PPP1R12A: variants seen among roughly 807,000 people sequenced by gnomAD.
The protein encoded by PPP1R12A is protein phosphatase 1 regulatory subunit 12A, also known as myosin binding subunit.
In PPP1R12A, 19 loss-of-function variants were observed where a neutral mutation model predicts 139.6. That is an observed-to-expected ratio of 0.14 (90% confidence interval 0.09 to 0.20). The LOEUF is 0.20. Ranked by LOEUF, PPP1R12A falls within the 10% of genes least tolerant of loss-of-function variation. The probability of loss-of-function intolerance (pLI) is 1.00; values close to 1 mark genes in which losing one functional copy is unlikely to be tolerated. For missense variants in PPP1R12A, 925 were observed against 1,211.5 expected (o/e 0.76, Z 3.51); for synonymous variants, 427 against 420.6 (o/e 1.02, Z -0.19).
At chr12:79,790,354 T>G in intron 20 of PPP1R12A, 113 bp downstream of exon 20, 1 of 793,994 alleles carries the variant, frequency 1.3e-6, no homozygotes, top group East Asian at 3.0e-5. Flanking sequence ...AAATTTGTTT[T>G]TTATTATCAA....
intron 9 of PPP1R12A, among the ~76,000 whole-genome samples, chr12:79,813,153 T>C (rs1214513515): frequency 1.3e-5 from 2 of 152,208 alleles, no homozygotes; most frequent in African/African-American, 2.4e-5. Context: ...TCCTGCAATA[T>C]AGCTCTACTT....
At chr12:79,885,488 A>G (rs1432463118) in intron 1 of PPP1R12A, among the ~76,000 whole-genome samples, 1 of 152,198 alleles carries the variant, frequency 6.6e-6, no homozygotes, top group African/African-American at 2.4e-5. Context: ...TATTCCTTTT[A>G]GTGCCACTTT....
chr12:79,919,213 T>C (rs1887239346), intron 1 of PPP1R12A, among the ~76,000 whole-genome samples: 1 of 152,052 alleles, frequency 6.6e-6, no homozygotes, highest in Non-Finnish European at 1.5e-5. Flanking sequence ...CCTAACAACC[T>C]TGGCTAACAT....
chr12:79,805,651 G>T lies in PPP1R12A; in HGVS notation c.1941C>A (p.Thr647=), dbSNP rs777154479. Residue 647 remains threonine (T), a synonymous_variant, in exon 14 of 25, where the codon ACC becomes ACA. Transcript: ENST00000450142. ...CAGTGCCAGCAGTAGTTGTAGTCAG[G>T]GTTGTGGTAGAAGCTGCAGCATTTA... ...TVVNAAASTT[T]LTTTTAGTVS... The T allele has an allele frequency of 5.0e-6, 8 of 1,613,788 alleles. No homozygotes were observed. The highest frequency in any genetic ancestry group is 6.8e-6 in the Non-Finnish European group (8 of 1,179,800).
rs139539507 is a variant in PPP1R12A at position 79,864,033 on chromosome 12, T to C, written c.368+8775A>G. Among the ~76,000 whole-genome samples, 517 of 152,288 alleles carry C rather than the reference T, an allele frequency of 3.4e-3. 2 individuals carry two copies. Among genetic ancestry groups the C allele is most frequent in the South Asian group, 6.4e-3 (31 of 4,826 alleles). On this transcript the variant is annotated intron_variant, in intron 2 of 24. Transcript: ENST00000450142. ...CTCTCCACCCCAAATCATCAGAATATACATTCTTCTCAGCACCACATGGCC... is the reference window on the plus strand; with the variant it reads ...CTCTCCACCCCAAATCATCAGAATACACATTCTTCTCAGCACCACATGGCC...
At position 79,788,717 on chromosome 12, in the gene PPP1R12A, G is replaced by A. The variant is rs774544082; in HGVS notation, c.2733C>T (p.Tyr911=). The change falls in exon 21 of 25, where the codon TAC becomes TAT. Residue 911 remains tyrosine, a synonymous_variant. Coordinates refer to ENST00000450142, the MANE Select transcript of PPP1R12A (RefSeq NM_002480.3). The part of the protein sequence containing the change: ...YDSLLGRSGS[Y]SYLEERKPYS... ...AAGGTTTTCTTTCTTCTAAGTAACT[G>A]TATGATCCAGAGCGACCCAGCAAGG... is the stretch of plus-strand genomic sequence containing the variant. The A allele has an allele frequency of 5.0e-6, 8 of 1,613,300 alleles. No homozygotes were observed. Among genetic ancestry groups the A allele is most frequent in the South Asian group, 4.4e-5 (4 of 91,026 alleles).
intron 11 of PPP1R12A, among the ~76,000 whole-genome samples, chr12:79,807,707 A>G (rs961233656): frequency 5.9e-5 from 9 of 152,048 alleles, no homozygotes; most frequent in Non-Finnish European, 1.2e-4. Context: ...GGGGAAAAAA[A>G]TAAAAAAATT....
chr12:79,809,111 T>C (rs1318451725), intron 10 of PPP1R12A, among the ~76,000 whole-genome samples: 1 of 152,082 alleles, frequency 6.6e-6, no homozygotes, highest in African/African-American at 2.4e-5. Context: ...ATAAAATACC[T>C]GGAAACCAAC....
chr12:79,838,559 G>A (rs902559887), intron 3 of PPP1R12A, among the ~76,000 whole-genome samples: 11 of 152,188 alleles, frequency 7.2e-5, no homozygotes, highest in Admixed American at 2.6e-4. Flanking sequence ...TTCATGGGCC[G>A]GGTCCAGGGC....
At chr12:79,900,269 C>T (rs897378898) in intron 1 of PPP1R12A, among the ~76,000 whole-genome samples, 1 of 152,126 alleles carries the variant, frequency 6.6e-6, no homozygotes, top group South Asian at 2.1e-4. Flanking sequence ...TACAAAACAT[C>T]CTTATAACAA....
At chr12:79,923,482 C>T (rs1887601895) in intron 1 of PPP1R12A, among the ~76,000 whole-genome samples, 1 of 152,074 alleles carries the variant, frequency 6.6e-6, no homozygotes, top group Non-Finnish European at 1.5e-5. Flanking sequence ...TCTTAAAATA[C>T]ATAATGTTTC....
chr12:79,819,146 G>A (rs945375990), intron 8 of PPP1R12A: 6 of 152,186 alleles, frequency 3.9e-5, no homozygotes, highest in African/African-American at 7.2e-5. Flanking sequence ...AAACTGAGTA[G>A]AGAGCAATTA....
intron 10 of PPP1R12A, among the ~76,000 whole-genome samples, chr12:79,809,126 C>T (rs878869448): frequency 6.6e-6 from 1 of 151,912 alleles, no homozygotes. Flanking sequence ...ACCAACTGCA[C>T]AGTAAACTGA....
chr12:79,808,390 T>C (rs1874118582), intron 11 of PPP1R12A, 93 bp downstream of exon 11: 7 of 866,236 alleles, frequency 8.1e-6, no homozygotes, highest in African/African-American at 1.7e-5. Flanking sequence ...ACAATACATA[T>C]CCGCACATAA....
intron 1 of PPP1R12A, among the ~76,000 whole-genome samples, chr12:79,912,418 ATGGTGACTCACAC>A (rs1886647054): frequency 6.6e-6 from 1 of 152,204 alleles, no homozygotes; most frequent in African/African-American, 2.4e-5. Context: ...ACTGCCAGGC[ATGGTGACTCACAC>A]TGGTAATCCC....
At chr12:79,782,596 CT>C in intron 22 of PPP1R12A, 1 of 454,152 alleles carries the variant, frequency 2.2e-6, no homozygotes. Flanking sequence ...CTGGAGAGCT[CT>C]GGACATTAAG....
At position 79,820,321 on chromosome 12, in the gene PPP1R12A, T is replaced by C. The variant is rs12580575; in HGVS notation, c.1114+453A>G. Among the ~76,000 whole-genome samples the C allele has an allele frequency of 7.4e-4, 113 of 152,330 alleles. 1 individual carries two copies. The East Asian group carries it at 0.018, about 24-fold the overall frequency. The stretch of plus-strand genomic sequence containing the variant: ...TGTTTATTATACTTTTCTGTATCTT[T>C]AAAATTTCTCAAAACAAAGCAAATT... On this transcript the variant is annotated intron_variant, in intron 8 of 24. Transcript: ENST00000450142.
intron 17 of PPP1R12A, 129 bp downstream of exon 17, chr12:79,796,653 T>C (rs980170075): frequency 1.4e-6 from 1 of 701,136 alleles, no homozygotes; most frequent in Non-Finnish European, 2.2e-6. Flanking sequence ...CTTCATATTC[T>C]TTCTGTTTAG....
chr12:79,852,897 C>T (rs1314435918), intron 2 of PPP1R12A, among the ~76,000 whole-genome samples: 2 of 152,192 alleles, frequency 1.3e-5, no homozygotes, highest in Non-Finnish European at 2.9e-5. Context: ...CCTCTGATGC[C>T]ACTTAGCAGG....
Sources: allele counts gnomAD v4.1 joint callset (sites outside exome capture counted in the v4.1 genomes callset), GRCh38; gene constraint gnomAD v4.1.1; transcripts MANE v1.5; gene names NCBI Gene and HGNC (gene_info 2026-07-23, HGNC 2026-07-21).